Variants in NFX1 observed in about 807,000 individuals in gnomAD.
The protein encoded by NFX1 is nuclear transcription factor, X-box binding 1.
A neutral mutation model predicts 137.2 loss-of-function variants in NFX1; 69 were observed. That is an observed-to-expected ratio of 0.50 (90% CI 0.41 to 0.61). The LOEUF (loss-of-function observed/expected upper bound fraction) is 0.61. NFX1 is among the 20% of genes least tolerant of loss of function. The pLI is 0.00. For missense variants in NFX1, 1,167 were observed against 1,391.0 expected (o/e 0.84, Z 2.56); for synonymous variants, 495 against 474.1 (o/e 1.04, Z -0.57).
chr9:33,308,229 G>T (rs1821831481), intron 5 of NFX1, among the ~76,000 whole-genome samples: 1 of 152,254 alleles, frequency 6.6e-6, no homozygotes, highest in South Asian at 2.1e-4. Flanking sequence ...ATTGCTTGAG[G>T]CCAGGAGTTC....
intron 19 of NFX1, among the ~76,000 whole-genome samples, chr9:33,358,370 C>T (rs946154602): frequency 3.3e-5 from 5 of 152,004 alleles, no homozygotes; most frequent in East Asian, 1.9e-4. Context: ...ATGATCTGCC[C>T]GCCTCAGCCT....
chr9:33,354,930 T>G (rs778009699), intron 19 of NFX1, 38 bp downstream of exon 19: 1 of 1,608,276 alleles, frequency 6.2e-7, no homozygotes, highest in Admixed American at 1.7e-5. Flanking sequence ...CTCCTTGCCC[T>G]TGAGCTCTGT....
At chr9:33,310,706 A>G (rs1157992482) in intron 5 of NFX1, among the ~76,000 whole-genome samples, 1 of 152,110 alleles carries the variant, frequency 6.6e-6, no homozygotes, top group Non-Finnish European at 1.5e-5. Context: ...TTTGAGTTCT[A>G]TTACTTTGCT....
chr9:33,359,908 G>A (rs1432623220), intron 19 of NFX1, among the ~76,000 whole-genome samples: 1 of 152,168 alleles, frequency 6.6e-6, no homozygotes, highest in Non-Finnish European at 1.5e-5. Context: ...ACAAAGTATA[G>A]CCCTATTTTA....
At chr9:33,291,998 T>C (rs1162017843) in intron 1 of NFX1, among the ~76,000 whole-genome samples, 1 of 152,172 alleles carries the variant, frequency 6.6e-6, no homozygotes, top group Admixed American at 6.5e-5. Flanking sequence ...TTGGGCTGGG[T>C]ATTTTGTTAT....
intron 11 of NFX1, among the ~76,000 whole-genome samples, chr9:33,333,602 A>G (rs1242546148): frequency 6.6e-6 from 1 of 152,208 alleles, no homozygotes; most frequent in Non-Finnish European, 1.5e-5. Context: ...ACTGTGTCCA[A>G]TTCTTCTGCC....
intron 12 of NFX1, among the ~76,000 whole-genome samples, chr9:33,342,499 CAG>C: frequency 6.6e-6 from 1 of 152,286 alleles, no homozygotes; most frequent in East Asian, 1.9e-4. Flanking sequence ...TATGCAGAAG[CAG>C]AGAGACTACT....
chr9:33,301,436 T>C lies in NFX1; in HGVS notation c.1192+15T>C. On this transcript the variant is annotated intron_variant, in intron 3 of 23. Coordinates refer to ENST00000379540, the MANE Select transcript of NFX1 (RefSeq NM_002504.6). ...ATCTCAAGCAGGTCAATTAATTCTC[T>C]CTTCTGAGTAGTTATTCTCCCCTAT... 6.2e-7 allele frequency: 1 copy of C among 1,610,950 alleles called. No homozygotes were observed. Among genetic ancestry groups the C allele is most frequent in the Non-Finnish European group, 8.5e-7 (1 of 1,178,532 alleles).
At chr9:33,355,480 T>C (rs1398580515) in intron 19 of NFX1, among the ~76,000 whole-genome samples, 1 of 152,210 alleles carries the variant, frequency 6.6e-6, no homozygotes, top group Non-Finnish European at 1.5e-5. Flanking sequence ...TCTTTCGTTA[T>C]ATTTTTGTGA....
intron 13 of NFX1, among the ~76,000 whole-genome samples, chr9:33,343,188 G>A (rs747605590): frequency 5.3e-5 from 8 of 152,020 alleles, no homozygotes; most frequent in South Asian, 2.1e-4. Context: ...AAACTTTTTG[G>A]TTGTAGGGCT....
At chr9:33,290,858 C>A (rs1354228271) in intron 1 of NFX1, among the ~76,000 whole-genome samples, 1 of 152,256 alleles carries the variant, frequency 6.6e-6, no homozygotes, top group East Asian at 1.9e-4. Context: ...GGTGCCCTGC[C>A]TTCCCACAGG....
In NFX1 at chr9:33,330,314, C is replaced by G. The variant is rs543735289; in HGVS notation, c.2004+1636C>G. On this transcript the variant is annotated intron_variant, in intron 10 of 23. Transcript: ENST00000379540. ...GCAGGGTCTGGCAGCATCTGACTTG[C>G]GAATAATTCTGAGGATATAGTCCAT... 2.6e-5 allele frequency among the ~76,000 whole-genome samples: 4 copies of G among 152,068 alleles called. 1 individual carries two copies. The South Asian group carries it at 8.3e-4, about 32-fold the overall frequency.
Position 33,294,624 on chromosome 9 carries a change from G to A in NFX1, c.230G>A (p.Gly77Glu), listed in dbSNP as rs1373288469. The change falls in exon 2 of 24, where the codon GGA becomes GAA. Residue 77 changes from glycine to glutamate, a missense_variant. Coordinates refer to ENST00000379540, the MANE Select transcript of NFX1 (RefSeq NM_002504.6). The stretch of plus-strand genomic sequence containing the variant: ...CATCAGCATAGTTATCATCCGTCAG[G>A]AAGCAAACCTAAGAGTCAGCAGACG... ...AVHQHSYHPSGSKPKSQQTSF... is the reference protein window; with the variant it reads ...AVHQHSYHPSESKPKSQQTSF... 5 of 1,614,058 alleles carry A rather than the reference G, an allele frequency of 3.1e-6. No individual in the cohort carries two copies. Among genetic ancestry groups the A allele is most frequent in the Non-Finnish European group, 4.2e-6 (5 of 1,180,040 alleles).
At chr9:33,296,072 G>A (rs897236314) in intron 2 of NFX1, among the ~76,000 whole-genome samples, 9 of 152,102 alleles carry the variant, frequency 5.9e-5, no homozygotes, top group African/African-American at 1.2e-4. Flanking sequence ...GATTACAGGC[G>A]CCCGCCACCA....
At position 33,318,911 on chromosome 9, in the gene NFX1, G is replaced by A; in HGVS notation, c.1690G>A (p.Asp564Asn). 1 of 1,614,198 alleles carries A rather than the reference G, an allele frequency of 6.2e-7. No individual in the cohort carries two copies. The highest frequency in any genetic ancestry group is 8.5e-7 in the Non-Finnish European group (1 of 1,180,022). ...TGTAATAGTGTGTTTTCTTAACAGG[G>A]ACTTGAAATGCGGTAACCATACATG... ...DFSCLKICGK[D>N]LKCGNHTCSQ... Residue 564 changes from aspartate (D) to asparagine (N), a missense_variant and splice_region_variant, in exon 9 of 24, where the codon GAC becomes AAC. Coordinates refer to ENST00000379540, the MANE Select transcript of NFX1 (RefSeq NM_002504.6).
At chr9:33,338,645 G>A in intron 12 of NFX1, 56 bp downstream of exon 12, 3 of 1,457,254 alleles carry the variant, frequency 2.1e-6, no homozygotes, top group Non-Finnish European at 2.8e-6. Context: ...CTGGGCTTCT[G>A]GAAGCCTGAG....
At chr9:33,307,120 A>T in intron 4 of NFX1, 74 bp from the exon 5 acceptor site, 3 of 1,167,018 alleles carry the variant, frequency 2.6e-6, no homozygotes, top group Non-Finnish European at 3.8e-6. Flanking sequence ...GCCTAGCTAT[A>T]CTTTACTGTT....
intron 10 of NFX1, among the ~76,000 whole-genome samples, chr9:33,331,059 G>T (rs1164374358): frequency 6.6e-6 from 1 of 152,042 alleles, no homozygotes. Context: ...CCAGCTACTC[G>T]GGAGGCTGAG....
rs150304652 is a variant in NFX1, at chr9:33,304,370, C to T, written c.1270+1102C>T. Among the ~76,000 whole-genome samples the T allele has an allele frequency of 2.6e-5, 4 of 152,266 alleles. 1 individual carries two copies. In the East Asian group the frequency reaches 7.7e-4, roughly 29 times the overall value. On this transcript the variant is annotated intron_variant, in intron 4 of 23. Transcript: ENST00000379540. ...ATAATCTTTTTGGTAGAGTGATAGC[C>T]CTTGACACCTTTGACCATTCCCTTC...
Sources: allele counts gnomAD v4.1 joint callset (sites outside exome capture counted in the v4.1 genomes callset), GRCh38; gene constraint gnomAD v4.1.1; transcripts MANE v1.5; gene names NCBI Gene and HGNC (gene_info 2026-07-23, HGNC 2026-07-21).